DPP6: variants seen among roughly 807,000 people sequenced by gnomAD.
The protein encoded by DPP6 is dipeptidyl peptidase like 6.
Under a neutral mutation model 122.6 loss-of-function variants are expected in DPP6, and 69 were observed. The ratio of observed to expected loss-of-function variants is 0.56; its 90% CI spans 0.46 to 0.69. The LOEUF (loss-of-function observed/expected upper bound fraction) is 0.69, where lower values mean the gene tolerates loss of function less well. Among genes scored for constraint, DPP6 ranks in the 30% least tolerant of loss-of-function variants. The probability of loss-of-function intolerance (pLI) is 0.00; values close to 1 mark genes in which losing one functional copy is unlikely to be tolerated. For synonymous variants in DPP6, 418 were observed against 433.1 expected (o/e 0.97, Z 0.43); for missense variants, 928 against 1,116.9 (o/e 0.83, Z 2.41).
chr7:154,595,736 G>A (rs867870209), intron 5 of DPP6, among the ~76,000 whole-genome samples: 1 of 152,242 alleles, frequency 6.6e-6, no homozygotes, highest in African/African-American at 2.4e-5. Flanking sequence ...GTGCCTCACT[G>A]TTCTTCAACA....
At chr7:154,414,185 C>T (rs992456614) in intron 1 of DPP6, among the ~76,000 whole-genome samples, 5 of 152,168 alleles carry the variant, frequency 3.3e-5, no homozygotes, top group Admixed American at 3.3e-4. Flanking sequence ...TTTTTGTGTA[C>T]TAATATGAAT....
chr7:154,038,145 T>G (rs370272869), intron 1 of DPP6, among the ~76,000 whole-genome samples: 1 of 149,748 alleles, frequency 6.7e-6, no homozygotes, highest in Non-Finnish European at 1.5e-5. Flanking sequence ...TTTGTTACTT[T>G]TGTTGTCATA....
intron 3 of DPP6, chr7:154,475,442 G>A (rs527422692): frequency 2.0e-5 from 5 of 248,980 alleles, no homozygotes; most frequent in East Asian, 1.1e-4. Context: ...CTCTCTTTCC[G>A]TTAGGCAGAA....
At chr7:154,700,310 G>C (rs1411371101) in intron 7 of DPP6, among the ~76,000 whole-genome samples, 1 of 152,184 alleles carries the variant, frequency 6.6e-6, no homozygotes, top group South Asian at 2.1e-4. Flanking sequence ...GGTTTCCCTT[G>C]TCTTAAAGAT....
At chr7:154,245,501 G>A (rs1801917940) in intron 1 of DPP6, among the ~76,000 whole-genome samples, 1 of 151,548 alleles carries the variant, frequency 6.6e-6, no homozygotes, top group Non-Finnish European at 1.5e-5. Flanking sequence ...CAGGCATGGT[G>A]GCGGGTGGCC....
At chr7:154,701,061 C>T (rs1368242287) in intron 7 of DPP6, among the ~76,000 whole-genome samples, 1 of 152,148 alleles carries the variant, frequency 6.6e-6, no homozygotes, top group Admixed American at 6.5e-5. Context: ...ACCAAAATAG[C>T]CCAGAGATAC....
chr7:154,015,335 T>C (rs888757425), intron 1 of DPP6, among the ~76,000 whole-genome samples: 1 of 152,136 alleles, frequency 6.6e-6, no homozygotes, highest in African/African-American at 2.4e-5. Context: ...GCCTGCCCTC[T>C]TCTGGATGCA....
chr7:154,191,464 C>T (rs577395679), intron 1 of DPP6, among the ~76,000 whole-genome samples: 16 of 152,152 alleles, frequency 1.1e-4, no homozygotes, highest in Non-Finnish European at 1.5e-4. Flanking sequence ...GTGCAATGTG[C>T]GCACACAAGG....
chr7:154,127,634 G>GACACACACACACAGACACAC (rs1563225782), intron 1 of DPP6, among the ~76,000 whole-genome samples: 8 of 59,776 alleles, frequency 1.3e-4, no homozygotes, highest in Middle Eastern at 0.014. Context: ...CACACACACA[G>GACACACACACACAGACACAC]ACACACACAC....
At chr7:154,508,511 A>G (rs1420756788) in intron 3 of DPP6, among the ~76,000 whole-genome samples, 1 of 152,186 alleles carries the variant, frequency 6.6e-6, no homozygotes, top group Non-Finnish European at 1.5e-5. Context: ...AGAGGTATGC[A>G]TCTCTTCTGC....
chr7:154,216,238 C>T (rs1799986810), intron 1 of DPP6, among the ~76,000 whole-genome samples: 2 of 151,208 alleles, frequency 1.3e-5, no homozygotes, highest in South Asian at 4.2e-4. Context: ...ACAGGGCAAG[C>T]CTCTTGGGAT....
chr7:154,744,190 C>A (rs1166473327), intron 8 of DPP6, among the ~76,000 whole-genome samples: 1 of 152,128 alleles, frequency 6.6e-6, no homozygotes, highest in Non-Finnish European at 1.5e-5. Context: ...ACTTAAATTT[C>A]TCCAGCCACA....
At chr7:154,556,200 T>G (rs916519724) in intron 4 of DPP6, among the ~76,000 whole-genome samples, 1 of 152,228 alleles carries the variant, frequency 6.6e-6, no homozygotes, top group Non-Finnish European at 1.5e-5. Context: ...TTATTAAATT[T>G]GTGTATCAAT....
intron 3 of DPP6, among the ~76,000 whole-genome samples, chr7:154,516,497 T>C (rs1447739307): frequency 6.6e-6 from 1 of 152,104 alleles, no homozygotes; most frequent in African/African-American, 2.4e-5. Flanking sequence ...CGTATAATCA[T>C]GAAAGACATA....
intron 1 of DPP6, among the ~76,000 whole-genome samples, chr7:154,399,505 T>C (rs559130788): frequency 2.6e-4 from 39 of 152,218 alleles, no homozygotes; most frequent in Non-Finnish European, 5.0e-4. Flanking sequence ...GGCAGTCATA[T>C]ATGGATTAGA....
At chr7:153,901,725 T>C (rs770481437) in intron 1 of DPP6, among the ~76,000 whole-genome samples, 30 of 152,276 alleles carry the variant, frequency 2.0e-4, no homozygotes, top group Non-Finnish European at 4.0e-4. Context: ...TAGGGAATTC[T>C]GCAAAGCAGA....
At chr7:153,844,181 C>T in the DPP6 span, among the ~76,000 whole-genome samples, 1 of 152,206 alleles carries the variant, frequency 6.6e-6, no homozygotes, top group Non-Finnish European at 1.5e-5. Context: ...ATTGTCTTTA[C>T]ACAATCCTGC....
At chr7:154,311,683 A>G (rs1007781859) in intron 1 of DPP6, among the ~76,000 whole-genome samples, 1 of 152,158 alleles carries the variant, frequency 6.6e-6, no homozygotes, top group African/African-American at 2.4e-5. Flanking sequence ...GATCAAATCC[A>G]GAAAGTTTAT....
chr7:154,259,951 G>A (rs900102414), intron 1 of DPP6, among the ~76,000 whole-genome samples: 1 of 152,198 alleles, frequency 6.6e-6, no homozygotes, highest in Non-Finnish European at 1.5e-5. Flanking sequence ...CAGGGCTGCG[G>A]CATGAGGCAG....
Sources: allele counts gnomAD v4.1 joint callset (sites outside exome capture counted in the v4.1 genomes callset), GRCh38; gene constraint gnomAD v4.1.1; transcripts MANE v1.5; gene names NCBI Gene and HGNC (gene_info 2026-07-23, HGNC 2026-07-21).